The following SNTB2 variants were observed in gnomAD, a reference collection of about 807,000 sequenced individuals.
SNTB2 encodes the protein beta-2-syntrophin.
SNTB2 carries 34 observed loss-of-function variants against 46.2 expected under a neutral mutation model. The observed-to-expected ratio is 0.74, with a 90% CI of 0.56 to 0.98. The LOEUF is 0.98. Ranked by LOEUF, SNTB2 falls within the 50% of genes least tolerant of loss-of-function variation. The pLI, the probability that SNTB2 is intolerant of heterozygous loss-of-function variation, is 0.00. For synonymous variants in SNTB2, 290 were observed against 312.6 expected (o/e 0.93, Z 0.76); for missense variants, 603 against 731.4 (o/e 0.82, Z 2.02).
Position 69,294,832 on chromosome 16 carries a change from T to TC in SNTB2, c.1346-4757dup, listed in dbSNP as rs1597204635. Among the ~76,000 whole-genome samples, 5 of 151,846 alleles carry TC rather than the reference T, an allele frequency of 3.3e-5. No homozygotes were observed. In the East Asian group the frequency reaches 9.6e-4, roughly 29 times the overall value. On this transcript the variant is annotated intron_variant, in intron 5 of 6. Transcript: ENST00000336278. ...TGTAGTTTTTGATTTTTTTTTTTTT[T>TC]CGCTCTGTCACTCGGGCTGGAGGGC... is the stretch of plus-strand genomic sequence containing the variant.
At chr16:69,279,272 G>A (rs1965013857) in intron 4 of SNTB2, among the ~76,000 whole-genome samples, 2 of 152,060 alleles carry the variant, frequency 1.3e-5, no homozygotes, top group Non-Finnish European at 2.9e-5. Context: ...TGTAGTATTT[G>A]TCTTTTTGTG....
In SNTB2 at chr16:69,213,626, A is replaced by G. The variant is rs192858000; in HGVS notation, c.580+25880A>G. Among the ~76,000 whole-genome samples, 1,146 of 151,806 alleles carry G rather than the reference A, an allele frequency of 7.5e-3. 13 individuals are homozygous for G. The highest frequency in any genetic ancestry group is 0.025 in the African/African-American group (1,030 of 41,384). On this transcript the variant is annotated intron_variant, in intron 1 of 6. Coordinates refer to ENST00000336278, the MANE Select transcript of SNTB2 (RefSeq NM_006750.4). ...GTGATTCTCCTGCCTCAGCCTCCCA[A>G]GTAGCTGGGAGTACAGGCGCGTGCC...
chr16:69,238,472 G>A (rs573582944), intron 1 of SNTB2, among the ~76,000 whole-genome samples: 1 of 152,146 alleles, frequency 6.6e-6, no homozygotes, highest in East Asian at 1.9e-4. Context: ...TTTCCTGCTG[G>A]GATCCTGACT....
At position 69,253,719 on chromosome 16, in the gene SNTB2, T is replaced by G. The variant is rs370865572; in HGVS notation, c.795-6331T>G. 3.3e-5 allele frequency among the ~76,000 whole-genome samples: 5 copies of G among 152,288 alleles called. No homozygotes were observed. The East Asian group carries it at 9.6e-4, about 29-fold the overall frequency. ...AATAACTCACTATCTATTCTCATCT[T>G]TTTTCAGCCCAGTGGTCCCGGTATC... On this transcript the variant is annotated intron_variant, in intron 2 of 6. Coordinates refer to ENST00000336278, the MANE Select transcript of SNTB2 (RefSeq NM_006750.4).
At chr16:69,286,511 T>C (rs549593929) in intron 5 of SNTB2, among the ~76,000 whole-genome samples, 53 of 151,992 alleles carry the variant, frequency 3.5e-4, no homozygotes, top group Non-Finnish European at 6.2e-4. Flanking sequence ...TGGTGAAACC[T>C]CATCTCTACT....
rs751947566 is a variant in SNTB2, at chr16:69,245,731, A to C, written c.710A>C (p.Gln237Pro). The C allele has an allele frequency of 6.2e-7, 1 of 1,614,144 alleles. No individual in the cohort carries two copies. Among genetic ancestry groups the C allele is most frequent in the East Asian group, 2.2e-5 (1 of 44,878 alleles). The change falls in exon 2 of 7, where the codon CAG becomes CCG. Residue 237 changes from glutamine to proline, a missense_variant. Coordinates refer to ENST00000336278, the MANE Select transcript of SNTB2 (RefSeq NM_006750.4). ...GAGGACTCTGGTTCGCCAAAACACC[A>C]GAACAGCACCAAGGACAGGAAGATC... ...GSEDSGSPKH[Q>P]NSTKDRKIIP...
chr16:69,299,864 T>C, intron 6 of SNTB2, 90 bp downstream of exon 6: 1 of 1,328,408 alleles, frequency 7.5e-7, no homozygotes, highest in Non-Finnish European at 1.0e-6. Context: ...AGTCATGGAC[T>C]GACATTCCAT....
intron 1 of SNTB2, among the ~76,000 whole-genome samples, chr16:69,218,534 G>A (rs890082397): frequency 1.3e-5 from 2 of 151,524 alleles, no homozygotes; most frequent in African/African-American, 4.9e-5. Flanking sequence ...CCATTCTCCT[G>A]CCTCAGCCTC....
At chr16:69,207,446 C>A (rs1964234645) in intron 1 of SNTB2, among the ~76,000 whole-genome samples, 1 of 152,144 alleles carries the variant, frequency 6.6e-6, no homozygotes, top group Non-Finnish European at 1.5e-5. Context: ...GCGTGAGCCA[C>A]CGCGCCTGGT....
At chr16:69,293,876 G>C (rs1290390000) in intron 5 of SNTB2, among the ~76,000 whole-genome samples, 1 of 152,210 alleles carries the variant, frequency 6.6e-6, no homozygotes, top group Admixed American at 6.5e-5. Context: ...GGGAGATGTA[G>C]AGCCTATCTT....
chr16:69,287,433 G>C (rs1358527902), intron 5 of SNTB2, among the ~76,000 whole-genome samples: 1 of 151,994 alleles, frequency 6.6e-6, no homozygotes, highest in Non-Finnish European at 1.5e-5. Flanking sequence ...AGCCAGGAGT[G>C]GTGGCAGGCG....
chr16:69,264,521 C>T (rs549573641), intron 3 of SNTB2, among the ~76,000 whole-genome samples: 7 of 152,160 alleles, frequency 4.6e-5, no homozygotes, highest in Non-Finnish European at 7.4e-5. Flanking sequence ...CAATAAACAA[C>T]GGTTATTTGG....
chr16:69,218,315 A>G (rs1043597077), intron 1 of SNTB2, among the ~76,000 whole-genome samples: 4 of 152,190 alleles, frequency 2.6e-5, no homozygotes, highest in Non-Finnish European at 4.4e-5. Flanking sequence ...ATTACTTGAC[A>G]AGAATATTTG....
intron 1 of SNTB2, among the ~76,000 whole-genome samples, chr16:69,198,184 C>A (rs780362856): frequency 6.7e-6 from 1 of 149,958 alleles, no homozygotes; most frequent in Non-Finnish European, 1.5e-5. Flanking sequence ...TCTCAGCTCA[C>A]TGCAACCTCC....
intron 5 of SNTB2, among the ~76,000 whole-genome samples, chr16:69,296,774 A>C (rs1379833953): frequency 1.3e-5 from 2 of 151,988 alleles, no homozygotes; most frequent in South Asian, 4.2e-4. Flanking sequence ...TGGGAGCCCA[A>C]GGTGGGCAGA....
At chr16:69,269,861 A>T (rs1264400029) in intron 3 of SNTB2, among the ~76,000 whole-genome samples, 1 of 152,204 alleles carries the variant, frequency 6.6e-6, no homozygotes, top group Non-Finnish European at 1.5e-5. Flanking sequence ...CCCTATCTCA[A>T]AAAAAGAAAA....
intron 1 of SNTB2, among the ~76,000 whole-genome samples, chr16:69,221,656 A>T (rs1964406262): frequency 1.3e-5 from 2 of 152,138 alleles, no homozygotes; most frequent in South Asian, 4.1e-4. Flanking sequence ...CACGCCTGTA[A>T]TCCCAGCTCC....
chr16:69,274,069 T>C (rs1187039351), intron 4 of SNTB2, among the ~76,000 whole-genome samples: 2 of 152,154 alleles, frequency 1.3e-5, no homozygotes, highest in Admixed American at 1.3e-4. Flanking sequence ...ATCCCAGCAC[T>C]TTGGGAGGCC....
At chr16:69,261,030 A>G (rs1375010453) in intron 3 of SNTB2, among the ~76,000 whole-genome samples, 1 of 151,968 alleles carries the variant, frequency 6.6e-6, no homozygotes, top group African/African-American at 2.4e-5. Flanking sequence ...TTTCTTCACC[A>G]TCAACTAGGC....
Sources: gnomAD v4.1 joint callset for allele counts (sites outside exome capture counted in the v4.1 genomes callset) on GRCh38, gnomAD v4.1.1 for gene constraint, MANE v1.5 for transcripts, NCBI Gene and HGNC (gene_info 2026-07-23, HGNC 2026-07-21) for gene names.